NEURL1: variants seen among roughly 807,000 people sequenced by gnomAD.
The protein encoded by NEURL1 is neuralized E3 ubiquitin protein ligase 1, also known as E3 ubiquitin-protein ligase NEURL1.
Under a neutral mutation model 41.2 loss-of-function variants are expected in NEURL1, and 26 were observed. The observed-to-expected ratio is 0.63, with a 90% CI of 0.46 to 0.87. The LOEUF (loss-of-function observed/expected upper bound fraction) is 0.87. Among genes scored for constraint, NEURL1 ranks in the 40% least tolerant of loss-of-function variants. NEURL1 has a pLI of 0.00. For synonymous variants in NEURL1, 400 were observed against 402.3 expected, an observed-to-expected ratio of 0.99 and a Z score of 0.07; for missense variants, 761 against 871.1, an observed-to-expected ratio of 0.87 and a Z score of 1.59.
intron 1 of NEURL1, chr10:103,549,274 C>T: frequency 6.6e-6 from 1 of 152,662 alleles, no homozygotes. Context: ...CACCCCTCCT[C>T]TGCACCTGTT....
rs1325687842 is a variant in NEURL1 at position 103,521,764 on chromosome 10, GAGA to G, written c.85+27295_85+27297del. ...GGGAGAGTAGGTGGGAGTGATCGATGAGAAGGAGAAAAACTGGCCATAAGGGAC... is the reference window on the plus strand; with the variant it reads ...GGGAGAGTAGGTGGGAGTGATCGATGAGGAGAAAAACTGGCCATAAGGGAC... On this transcript the variant is annotated intron_variant, in intron 1 of 5. Coordinates refer to ENST00000369780, the MANE Select transcript of NEURL1 (RefSeq NM_004210.5). Among the ~76,000 whole-genome samples the G allele has an allele frequency of 2.0e-5, 3 of 152,160 alleles. No homozygotes were observed. The East Asian group carries it at 5.8e-4, about 29-fold the overall frequency.
At chr10:103,537,954 C>A (rs533556523) in intron 1 of NEURL1, among the ~76,000 whole-genome samples, 1 of 152,206 alleles carries the variant, frequency 6.6e-6, no homozygotes, top group South Asian at 2.1e-4. Context: ...CTTTCCGTCA[C>A]TATAGATTAG....
chr10:103,520,134 CAT>C, intron 1 of NEURL1, among the ~76,000 whole-genome samples: 2 of 152,172 alleles, frequency 1.3e-5, no homozygotes, highest in Middle Eastern at 3.4e-3. Context: ...ATAAAGGTAA[CAT>C]ATACTTTTAG....
intron 1 of NEURL1, among the ~76,000 whole-genome samples, chr10:103,498,444 T>A (rs2033741991): frequency 6.6e-6 from 1 of 152,084 alleles, no homozygotes; most frequent in Non-Finnish European, 1.5e-5. Context: ...GCCAGGATGG[T>A]CTCGATCTCC....
intron 1 of NEURL1, among the ~76,000 whole-genome samples, chr10:103,513,437 G>A (rs1057057973): frequency 6.6e-6 from 1 of 152,244 alleles, no homozygotes; most frequent in Non-Finnish European, 1.5e-5. Flanking sequence ...CTGCCCCAGG[G>A]TGTGGCCTGA....
intron 1 of NEURL1, among the ~76,000 whole-genome samples, chr10:103,514,570 C>T (rs2034153564): frequency 6.6e-6 from 1 of 152,152 alleles, no homozygotes; most frequent in Admixed American, 6.5e-5. Flanking sequence ...AAAAGTTTGT[C>T]TGGGGAAGTC....
rs2033628232 is a variant in NEURL1, at chr10:103,494,350, C to T, written c.-38C>T. The T allele has an allele frequency of 1.3e-6, 2 of 1,531,896 alleles. No individual in the cohort carries two copies. Among genetic ancestry groups the T allele is most frequent in the Non-Finnish European group, 1.8e-6 (2 of 1,128,922 alleles). The allele number at this position is 1,531,896 out of a possible 1,614,324, so 94.9% of individuals were successfully genotyped here. Reference sequence around the variant, plus strand: ...ACCTCAGCGCCTGCCCGGCCTCGCCCCCACCCGCGAGCGCCGAACCTCCTG... The same window carrying T: ...ACCTCAGCGCCTGCCCGGCCTCGCCTCCACCCGCGAGCGCCGAACCTCCTG... On this transcript the variant is annotated 5_prime_UTR_variant, in exon 1 of 6. Transcript: ENST00000369780.
At chr10:103,511,311 C>T (rs1052480160) in intron 1 of NEURL1, among the ~76,000 whole-genome samples, 3 of 152,176 alleles carry the variant, frequency 2.0e-5, no homozygotes, top group Non-Finnish European at 2.9e-5. Flanking sequence ...CTCTCTTGGC[C>T]TGGCCATGGA....
chr10:103,512,864 A>G (rs903601407), intron 1 of NEURL1, among the ~76,000 whole-genome samples: 2 of 152,068 alleles, frequency 1.3e-5, no homozygotes, highest in Non-Finnish European at 2.9e-5. Flanking sequence ...TTGTCCAGGA[A>G]GTGGCTGGGT....
At chr10:103,553,357 T>G (rs1053862737) in intron 1 of NEURL1, among the ~76,000 whole-genome samples, 3 of 152,172 alleles carry the variant, frequency 2.0e-5, no homozygotes, top group African/African-American at 7.2e-5. Flanking sequence ...CAGACTGACT[T>G]AGCTTCCCGC....
intron 1 of NEURL1, among the ~76,000 whole-genome samples, chr10:103,563,527 G>C (rs944082572): frequency 6.6e-6 from 1 of 152,178 alleles, no homozygotes; most frequent in Non-Finnish European, 1.5e-5. Context: ...CAGGACCACA[G>C]ATTCAGAACA....
chr10:103,511,974 T>C (rs1399871265), intron 1 of NEURL1: 2 of 152,252 alleles, frequency 1.3e-5, no homozygotes, highest in African/African-American at 4.8e-5. Flanking sequence ...TCTGCTGAAA[T>C]GACATTTTCT....
chr10:103,546,758 A>T (rs1368707205), intron 1 of NEURL1, among the ~76,000 whole-genome samples: 1 of 152,238 alleles, frequency 6.6e-6, no homozygotes, highest in African/African-American at 2.4e-5. Context: ...TCAGAGGAAG[A>T]GGTGCCAGGA....
At chr10:103,497,156 G>A (rs1278808904) in intron 1 of NEURL1, among the ~76,000 whole-genome samples, 1 of 152,160 alleles carries the variant, frequency 6.6e-6, no homozygotes, top group Non-Finnish European at 1.5e-5. Flanking sequence ...CCCTAATAGA[G>A]CCATCACCTT....
chr10:103,572,253 G>A (rs1043846366), intron 3 of NEURL1, among the ~76,000 whole-genome samples: 1 of 152,236 alleles, frequency 6.6e-6, no homozygotes, highest in African/African-American at 2.4e-5. Context: ...TCAAGTCCAG[G>A]GAGATTACAT....
intron 1 of NEURL1, among the ~76,000 whole-genome samples, chr10:103,554,316 G>A (rs1338302591): frequency 1.3e-5 from 2 of 152,242 alleles, no homozygotes; most frequent in Admixed American, 6.5e-5. Context: ...ATTGAGAGGT[G>A]TGCATGTAAC....
chr10:103,538,909 A>G (rs1490152798), intron 1 of NEURL1, among the ~76,000 whole-genome samples: 2 of 149,238 alleles, frequency 1.3e-5, no homozygotes, highest in Non-Finnish European at 3.0e-5. Flanking sequence ...GGCCTCCCAA[A>G]GTGCTGGGAT....
rs746639030 is a variant in NEURL1 at position 103,584,978 on chromosome 10, G to A, written c.1092G>A (p.Thr364=). ...GCGTCACCACGTGCGACCCCGGCAC[G>A]CTGCGGCCGGCCGACCTGCCTTTCA... ...SFGVTTCDPG[T]LRPADLPFSP... The change falls in exon 4 of 6, where the codon ACG becomes ACA. Residue 364 remains threonine (T), a synonymous_variant. Coordinates refer to ENST00000369780, the MANE Select transcript of NEURL1 (RefSeq NM_004210.5). The A allele has an allele frequency of 7.1e-5, 109 of 1,532,048 alleles. No homozygotes were observed. In the South Asian group the frequency reaches 1.3e-3, roughly 18 times the overall value. The allele number at this position is 1,532,048 out of a possible 1,614,324, so 94.9% of individuals were successfully genotyped here.
intron 1 of NEURL1, among the ~76,000 whole-genome samples, chr10:103,497,050 C>T (rs574955473): frequency 5.8e-4 from 89 of 152,232 alleles, no homozygotes; most frequent in African/African-American, 2.1e-3. Flanking sequence ...CAGAAGGTAC[C>T]CATGAAGGCC....
Sources: gnomAD v4.1 joint callset for allele counts (sites outside exome capture counted in the v4.1 genomes callset) on GRCh38, gnomAD v4.1.1 for gene constraint, MANE v1.5 for transcripts, NCBI Gene and HGNC (gene_info 2026-07-23, HGNC 2026-07-21) for gene names.